RBPJ: variants seen among roughly 807,000 people sequenced by gnomAD.
RBPJ encodes recombination signal binding protein for immunoglobulin kappa J region.
Under a neutral mutation model 67.8 loss-of-function variants are expected in RBPJ, and 9 were observed. That is an observed-to-expected ratio of 0.13 (90% confidence interval 0.08 to 0.23). RBPJ has a LOEUF of 0.23. Ranked by LOEUF, RBPJ falls within the 10% of genes least tolerant of loss-of-function variation. The probability of loss-of-function intolerance (pLI) is 1.00; values close to 1 mark genes in which losing one functional copy is unlikely to be tolerated. For missense variants in RBPJ, 305 were observed against 595.6 expected (o/e 0.51, Z 5.08); for synonymous variants, 198 against 203.3 (o/e 0.97, Z 0.22).
chr4:26,144,063 C>T, the RBPJ span, among the ~76,000 whole-genome samples: 2 of 152,028 alleles, frequency 1.3e-5, no homozygotes, highest in Non-Finnish European at 2.9e-5. Flanking sequence ...GGCCACAAAA[C>T]AGTGTATATA....
chr4:26,414,565 T>A (rs1377136693), intron 3 of RBPJ, among the ~76,000 whole-genome samples: 1 of 152,168 alleles, frequency 6.6e-6, no homozygotes, highest in South Asian at 2.1e-4. Context: ...TAGAGAGATA[T>A]GGCATAGATG....
chr4:26,267,606 A>AATTTATTTATTT (rs201155264), intron 1 of RBPJ, among the ~76,000 whole-genome samples: 182 of 151,590 alleles, frequency 1.2e-3, no homozygotes, highest in African/African-American at 4.3e-3. Context: ...GTAATTTTTA[A>AATTTATTTATTT]ATTTATTTAT....
intron 1 of RBPJ, among the ~76,000 whole-genome samples, chr4:26,306,961 T>C (rs1722258322): frequency 6.6e-6 from 1 of 152,106 alleles, no homozygotes; most frequent in African/African-American, 2.4e-5. Flanking sequence ...TTTTTGTAAC[T>C]TTAAATAGTT....
chr4:26,247,815 A>G (rs1719978273), intron 1 of RBPJ, among the ~76,000 whole-genome samples: 1 of 152,194 alleles, frequency 6.6e-6, no homozygotes, highest in South Asian at 2.1e-4. Context: ...TATTTTATAG[A>G]AACAGTAGAC....
At chr4:26,244,658 C>T (rs111237253) in intron 1 of RBPJ, among the ~76,000 whole-genome samples, 89 of 152,074 alleles carry the variant, frequency 5.9e-4, no homozygotes, top group African/African-American at 1.8e-3. Flanking sequence ...GATGGAGTCT[C>T]GCTCTGTGGC....
the RBPJ span, among the ~76,000 whole-genome samples, chr4:26,154,970 AG>A: frequency 6.6e-5 from 10 of 152,202 alleles, no homozygotes; most frequent in Admixed American, 2.0e-4. Flanking sequence ...TGAGATTTGG[AG>A]GGGACACACT....
chr4:26,333,216 C>G (rs1299719404), intron 1 of RBPJ, among the ~76,000 whole-genome samples: 1 of 152,094 alleles, frequency 6.6e-6, no homozygotes, highest in Non-Finnish European at 1.5e-5. Flanking sequence ...CAAGCAATCC[C>G]CTGCGGATAC....
At chr4:26,108,647 T>G in the RBPJ span, among the ~76,000 whole-genome samples, 2 of 152,140 alleles carry the variant, frequency 1.3e-5, no homozygotes, top group Admixed American at 1.3e-4. Flanking sequence ...GAGAAAAGCA[T>G]AAAATGCATA....
chr4:26,139,990 G>A, the RBPJ span, among the ~76,000 whole-genome samples: 1 of 152,170 alleles, frequency 6.6e-6, no homozygotes, highest in Non-Finnish European at 1.5e-5. Flanking sequence ...CCTGATGATG[G>A]CTGCCTTAGA....
At chr4:26,310,868 C>T (rs1225944981) in intron 1 of RBPJ, among the ~76,000 whole-genome samples, 10 of 151,966 alleles carry the variant, frequency 6.6e-5, no homozygotes, top group Admixed American at 5.9e-4. Context: ...CAGGGTTTCC[C>T]CATGTTGGCC....
At chr4:26,404,234 GTTTT>G (rs1353830593) in intron 2 of RBPJ, among the ~76,000 whole-genome samples, 2 of 151,308 alleles carry the variant, frequency 1.3e-5, no homozygotes, top group Non-Finnish European at 1.5e-5. Flanking sequence ...GGGGTTGTTT[GTTTT>G]TTTTCTTGTA....
chr4:26,310,924 C>T (rs1273314262), intron 1 of RBPJ, among the ~76,000 whole-genome samples: 3 of 152,296 alleles, frequency 2.0e-5, no homozygotes, highest in South Asian at 2.1e-4. Flanking sequence ...CCCGCCTCAG[C>T]GTCCCCAAGT....
intron 1 of RBPJ, among the ~76,000 whole-genome samples, chr4:26,308,280 A>G (rs1722310959): frequency 6.6e-6 from 1 of 152,222 alleles, no homozygotes; most frequent in African/African-American, 2.4e-5. Flanking sequence ...CATCTCAAAA[A>G]AAAAAAAGAG....
chr4:26,147,737 A>T, the RBPJ span, among the ~76,000 whole-genome samples: 7 of 152,150 alleles, frequency 4.6e-5, no homozygotes, highest in African/African-American at 1.7e-4. Flanking sequence ...TCCAAGAAAA[A>T]CTTTTTAAAA....
chr4:26,360,544 CTG>C (rs1206545108), intron 1 of RBPJ, among the ~76,000 whole-genome samples: 1 of 150,682 alleles, frequency 6.6e-6, no homozygotes, highest in Non-Finnish European at 1.5e-5. Context: ...AGGAAGGAGA[CTG>C]TAGTAACTAG....
chr4:26,420,504 A>T, intron 4 of RBPJ, 47 bp from the exon 5 acceptor site: 1 of 1,434,560 alleles, frequency 7.0e-7, no homozygotes. Flanking sequence ...GTACTACATA[A>T]ACAAACAAGG....
At chr4:26,154,442 T>C in the RBPJ span, among the ~76,000 whole-genome samples, 1 of 152,184 alleles carries the variant, frequency 6.6e-6, no homozygotes, top group Non-Finnish European at 1.5e-5. Flanking sequence ...GGAAACACCG[T>C]GTGGACTCAC....
chr4:26,382,505 T>G (rs115424314), intron 1 of RBPJ, among the ~76,000 whole-genome samples: 44 of 152,340 alleles, frequency 2.9e-4, no homozygotes, highest in African/African-American at 1.0e-3. Flanking sequence ...GAATTTAGTT[T>G]GATTGTGACC....
chr4:26,255,348 G>A (rs1720280144), intron 1 of RBPJ, among the ~76,000 whole-genome samples: 1 of 114,970 alleles, frequency 8.7e-6, no homozygotes, highest in African/African-American at 4.3e-5. Context: ...AGCTTGCAGT[G>A]AGCCGAGATC....
Sources: gnomAD v4.1 joint callset for allele counts (sites outside exome capture counted in the v4.1 genomes callset) on GRCh38, gnomAD v4.1.1 for gene constraint, MANE v1.5 for transcripts, NCBI Gene and HGNC (gene_info 2026-07-23, HGNC 2026-07-21) for gene names.